LRFN2: variants seen among roughly 807,000 people sequenced by gnomAD.
The protein encoded by LRFN2 is leucine rich repeat and fibronectin type III domain containing 2.
LRFN2 carries 18 observed loss-of-function variants against 37.3 expected under a neutral mutation model. The observed-to-expected ratio is 0.48, with a 90% CI of 0.33 to 0.72. LRFN2 has a LOEUF of 0.72. Ranked by LOEUF, LRFN2 falls within the 30% of genes least tolerant of loss-of-function variation. The probability of loss-of-function intolerance (pLI) is 0.02; values close to 1 mark genes in which losing one functional copy is unlikely to be tolerated. For synonymous variants in LRFN2, 556 were observed against 466.6 expected, an observed-to-expected ratio of 1.19 and a Z score of -2.47; for missense variants, 1,006 against 1,060.7, an observed-to-expected ratio of 0.95 and a Z score of 0.72.
intron 1 of LRFN2, among the ~76,000 whole-genome samples, chr6:40,553,668 G>T (rs914174317): frequency 1.3e-5 from 2 of 152,192 alleles, no homozygotes; most frequent in Admixed American, 6.5e-5. Context: ...AATGAAATTG[G>T]TCAATAGGGA....
chr6:40,518,171 A>G (rs1326601839), intron 1 of LRFN2, among the ~76,000 whole-genome samples: 1 of 152,200 alleles, frequency 6.6e-6, no homozygotes, highest in Non-Finnish European at 1.5e-5. Flanking sequence ...ATTAGACAAC[A>G]ATAAGAACCA....
chr6:40,478,624 G>T (rs1340172664), intron 1 of LRFN2, among the ~76,000 whole-genome samples: 3 of 152,210 alleles, frequency 2.0e-5, no homozygotes, highest in Non-Finnish European at 2.9e-5. Context: ...CAGAGCAGGT[G>T]AATTAACCTG....
intron 1 of LRFN2, among the ~76,000 whole-genome samples, chr6:40,443,998 C>T (rs1763905922): frequency 6.6e-6 from 1 of 152,150 alleles, no homozygotes; most frequent in African/African-American, 2.4e-5. Flanking sequence ...AGGGAATTAG[C>T]CTGTCTCTTT....
chr6:40,533,380 C>G (rs1374157010), intron 1 of LRFN2, among the ~76,000 whole-genome samples: 1 of 143,548 alleles, frequency 7.0e-6, no homozygotes, highest in Admixed American at 7.0e-5. Context: ...TCAAAACACA[C>G]ACACACACAC....
Position 40,529,938 on chromosome 6 carries a change from T to C in LRFN2, c.-19+57003A>G, listed in dbSNP as rs111231347. ...TGTTTTTAAACGTCCTCATTTCACA[T>C]TGCAGATACCCAAATAGAAACACAG... On this transcript the variant is annotated intron_variant, in intron 1 of 2. Transcript: ENST00000338305. Among the ~76,000 whole-genome samples the C allele has an allele frequency of 5.0e-3, 758 of 152,340 alleles. 2 individuals are homozygous for C. The highest frequency in any genetic ancestry group is 0.017 in the African/African-American group (714 of 41,574).
At chr6:40,435,038 TATATATATATATATAGAGAGAG>T (rs1334195694) in intron 1 of LRFN2, among the ~76,000 whole-genome samples, 37 of 93,114 alleles carry the variant, frequency 4.0e-4, no homozygotes, top group African/African-American at 1.4e-3. Context: ...TATATATATA[TATATATATATATATAGAGAGAG>T]AGAGAGAGAG....
At chr6:40,469,059 T>C (rs946123330) in intron 1 of LRFN2, among the ~76,000 whole-genome samples, 1 of 152,178 alleles carries the variant, frequency 6.6e-6, no homozygotes, top group Non-Finnish European at 1.5e-5. Context: ...GATGTGATTG[T>C]CCTGGATTAC....
chr6:40,561,328 A>G (rs1245897506), intron 1 of LRFN2, among the ~76,000 whole-genome samples: 1 of 152,218 alleles, frequency 6.6e-6, no homozygotes, highest in Non-Finnish European at 1.5e-5. Context: ...AGAGACCCCA[A>G]GGACCTTTTG....
chr6:40,566,418 T>C (rs928209694), intron 1 of LRFN2, among the ~76,000 whole-genome samples: 1 of 152,214 alleles, frequency 6.6e-6, no homozygotes, highest in Middle Eastern at 3.2e-3. Context: ...CATGCTGCTT[T>C]AAAGACACAT....
At position 40,512,124 on chromosome 6, in the gene LRFN2, C is replaced by T. The variant is rs574676328; in HGVS notation, c.-19+74817G>A. ...TTCCCAGGTTTTCTGTGCACACTGA[C>T]CATAGTCTCCAACCCCCTTAAGGAG... On this transcript the variant is annotated intron_variant, in intron 1 of 2. Transcript: ENST00000338305. Among the ~76,000 whole-genome samples the T allele has an allele frequency of 9.2e-5, 14 of 152,310 alleles. No individual in the cohort carries two copies. The South Asian group carries it at 2.9e-3, about 32-fold the overall frequency.
At chr6:40,502,141 T>A (rs904206865) in intron 1 of LRFN2, 1 of 152,240 alleles carries the variant, frequency 6.6e-6, no homozygotes, top group African/African-American at 2.4e-5. Flanking sequence ...CTTCATTGAA[T>A]GCCCACAGCA....
intron 1 of LRFN2, among the ~76,000 whole-genome samples, chr6:40,453,585 A>G (rs1199588114): frequency 1.3e-5 from 2 of 151,708 alleles, no homozygotes; most frequent in Non-Finnish European, 2.9e-5. Context: ...GCAAACACAC[A>G]TACCTCTCTT....
chr6:40,497,598 G>A (rs997488401), intron 1 of LRFN2, among the ~76,000 whole-genome samples: 1 of 152,162 alleles, frequency 6.6e-6, no homozygotes, highest in Non-Finnish European at 1.5e-5. Context: ...TGTCTATGGG[G>A]AACAGAAAAG....
chr6:40,399,415 CTTTT>C (rs1000002458), intron 2 of LRFN2, among the ~76,000 whole-genome samples: 8 of 145,164 alleles, frequency 5.5e-5, no homozygotes, highest in African/African-American at 1.8e-4. Context: ...AATTCTCTTT[CTTTT>C]TCTTTTCTTT....
chr6:40,483,430 C>G (rs1490083260), intron 1 of LRFN2, among the ~76,000 whole-genome samples: 1 of 152,174 alleles, frequency 6.6e-6, no homozygotes, highest in Non-Finnish European at 1.5e-5. Context: ...CACAGCACTT[C>G]TTGGGGAAGG....
chr6:40,564,203 G>A (rs145526142), intron 1 of LRFN2, among the ~76,000 whole-genome samples: 63 of 152,272 alleles, frequency 4.1e-4, no homozygotes, highest in Non-Finnish European at 8.2e-4. Flanking sequence ...CCAACTCCAA[G>A]AGTGTTTCAT....
Position 40,392,341 on chromosome 6 carries a change from C to G in LRFN2, c.1972G>C (p.Gly658Arg). 1 of 1,610,076 alleles carries G rather than the reference C, an allele frequency of 6.2e-7. No homozygotes were observed. Among genetic ancestry groups the G allele is most frequent in the African/African-American group, 1.3e-5 (1 of 74,984 alleles). ...RPKPSLDRLM[G>R]AFASLDLKSQ... Reference sequence around the variant, plus strand: ...TTGAGGTCCAGGGAGGCGAAGGCCCCCATCAGGCGGTCAAGGCTGGGCTTG... The same window carrying G: ...TTGAGGTCCAGGGAGGCGAAGGCCCGCATCAGGCGGTCAAGGCTGGGCTTG... Residue 658 changes from glycine (G) to arginine (R), a missense_variant, in exon 3 of 3, where the codon GGG becomes CGG. By Grantham distance (125) the Gly-to-Arg change is moderately radical. Transcript: ENST00000338305. This position sits in a 1 kb window ranked among gnomAD's most constrained non-coding sequence, Gnocchi z 4.7.
chr6:40,518,844 T>G (rs148380494), intron 1 of LRFN2, among the ~76,000 whole-genome samples: 12 of 152,186 alleles, frequency 7.9e-5, no homozygotes, highest in African/African-American at 2.9e-4. Context: ...CCAAGAGAAG[T>G]GATGCTTGAA....
intron 1 of LRFN2, chr6:40,523,995 GGCAGGGGGAGGGGCTGGGGA>G (rs1766168955): frequency 6.6e-6 from 1 of 151,522 alleles, no homozygotes; most frequent in Non-Finnish European, 1.5e-5. Flanking sequence ...GGCTGGGAAG[GGCAGGGGGAGGGGCTGGGGA>G]GGCCAGCCCA....
Sources: allele counts gnomAD v4.1 joint callset (sites outside exome capture counted in the v4.1 genomes callset), GRCh38; gene constraint gnomAD v4.1.1; non-coding constraint Gnocchi (gnomAD v3.1); transcripts MANE v1.5; gene names NCBI Gene and HGNC (gene_info 2026-07-23, HGNC 2026-07-21).